The following MIER1 variants were observed in gnomAD, a reference collection of about 807,000 sequenced individuals.
The protein encoded by MIER1 is MIER1 transcriptional regulator, also known as mesoderm induction early response protein 1.
MIER1 carries 40 observed loss-of-function variants against 75.7 expected under a neutral mutation model. That is an observed-to-expected ratio of 0.53 (90% CI 0.41 to 0.69). The LOEUF is 0.69. MIER1 is among the 30% of genes least tolerant of loss of function. MIER1 has a pLI of 0.00. For synonymous variants in MIER1, 213 were observed against 223.4 expected (o/e 0.95, Z 0.42); for missense variants, 574 against 680.2 (o/e 0.84, Z 1.74).
intron 3 of MIER1, among the ~76,000 whole-genome samples, chr1:66,941,929 A>T (rs1339826699): frequency 6.7e-6 from 1 of 148,740 alleles, no homozygotes. Flanking sequence ...AGATCATGCC[A>T]CTGCACTCCA....
chr1:66,931,632 TTTTCA>T (rs757846734), intron 2 of MIER1, among the ~76,000 whole-genome samples: 4 of 152,220 alleles, frequency 2.6e-5, no homozygotes, highest in Non-Finnish European at 5.9e-5. Flanking sequence ...CTTAGATTTA[TTTTCA>T]TTTCTTTTGC....
At chr1:66,967,845 A>AT (rs2101833047) in intron 8 of MIER1, among the ~76,000 whole-genome samples, 1 of 152,108 alleles carries the variant, frequency 6.6e-6, no homozygotes, top group South Asian at 2.1e-4. Flanking sequence ...TTGTATGTTG[A>AT]TTTTGTATCC....
At chr1:66,926,278 A>G in intron 2 of MIER1, 36 bp downstream of exon 2, 1 of 1,435,880 alleles carries the variant, frequency 7.0e-7, no homozygotes. Flanking sequence ...AAGGGAGGGA[A>G]AATCCAAACT....
At position 66,983,395 on chromosome 1, in the gene MIER1, A is replaced by G. The variant is rs184036800; in HGVS notation, c.1370-1177A>G. On this transcript the variant is annotated intron_variant, in intron 13 of 13. Coordinates refer to ENST00000401041, the MANE Select transcript of MIER1 (RefSeq NM_001077700.3). Reference sequence around the variant, plus strand: ...AAATAGAATATTTTCTTCTATCAGAATACAGTATTTGAGGCTCATCCTTTA... The same window carrying G: ...AAATAGAATATTTTCTTCTATCAGAGTACAGTATTTGAGGCTCATCCTTTA... Among the ~76,000 whole-genome samples, 4 of 152,360 alleles carry G rather than the reference A, an allele frequency of 2.6e-5. No individual in the cohort carries two copies. In the East Asian group the frequency reaches 7.7e-4, roughly 29 times the overall value.
At chr1:66,966,431 A>G (rs191535946) in intron 8 of MIER1, among the ~76,000 whole-genome samples, 6 of 152,280 alleles carry the variant, frequency 3.9e-5, no homozygotes, top group Non-Finnish European at 7.3e-5. Flanking sequence ...AATCCAGTCT[A>G]TCACTGATGG....
At chr1:66,934,720 T>C (rs575595860) in intron 2 of MIER1, among the ~76,000 whole-genome samples, 8 of 152,352 alleles carry the variant, frequency 5.3e-5, no homozygotes, top group African/African-American at 1.9e-4. Flanking sequence ...ATCATTTTAC[T>C]TCTGAATTAT....
intron 2 of MIER1, among the ~76,000 whole-genome samples, chr1:66,939,253 G>GAACT (rs1282769428): frequency 2.0e-5 from 3 of 152,088 alleles, no homozygotes; most frequent in African/African-American, 7.2e-5. Flanking sequence ...TGAATTAACT[G>GAACT]AACTAAGATA....
At chr1:66,928,936 G>A (rs748852137) in intron 2 of MIER1, 14 of 1,608,716 alleles carry the variant, frequency 8.7e-6, no homozygotes, top group Non-Finnish European at 1.2e-5. Context: ...CAGACTGTCT[G>A]TGGACTCTTT....
At chr1:66,970,446 G>A (rs759322464) in intron 8 of MIER1, among the ~76,000 whole-genome samples, 1 of 152,118 alleles carries the variant, frequency 6.6e-6, no homozygotes, top group Non-Finnish European at 1.5e-5. Flanking sequence ...AAAACTATGT[G>A]GTAGAGTTAT....
rs932415341 is a variant in MIER1, at chr1:66,985,568, T to C, written c.*668T>C. ...ACATTCTGTATTTTTCCAGATTCTT[T>C]GTAGCCTTTGAAAGATTTTTACAGT... On this transcript the variant is annotated 3_prime_UTR_variant, in exon 14 of 14. Coordinates refer to ENST00000401041, the MANE Select transcript of MIER1 (RefSeq NM_001077700.3). 4.1e-6 allele frequency: 4 copies of C among 985,378 alleles called. No homozygotes were observed. The highest frequency in any genetic ancestry group is 5.2e-4 in the Middle Eastern group (1 of 1,914). 61.0% of individuals were successfully genotyped at this position (985,378 alleles called of 1,614,324 possible).
chr1:66,969,505 A>AC (rs1663135719), intron 8 of MIER1, among the ~76,000 whole-genome samples: 1 of 127,094 alleles, frequency 7.9e-6, no homozygotes, highest in Non-Finnish European at 1.6e-5. Context: ...AGATCGCGCC[A>AC]CTGCACTCCA....
chr1:66,984,761 A>G lies in MIER1; in HGVS notation c.1559A>G (p.Asp520Gly), dbSNP rs1666553928. Reference sequence around the variant, plus strand: ...CATATGACTGCAAGAAATGAAAATGATTTTGATGAAAAAAGTGAGAGACCT... The same window carrying G: ...CATATGACTGCAAGAAATGAAAATGGTTTTGATGAAAAAAGTGAGAGACCT... Reference protein sequence around the residue: ...LAHMTARNENDFDEKSERPAK... With the variant: ...LAHMTARNENGFDEKSERPAK... Residue 520 changes from aspartate (D) to glycine (G), a missense_variant, in exon 14 of 14, where the codon GAT becomes GGT. By Grantham distance (94) the Asp-to-Gly change is moderately conservative. This residue lies in a region of MIER1 where 164 missense variants were observed against 154.3 expected (regional missense o/e 1.06). Transcript: ENST00000401041. 5.0e-6 allele frequency: 8 copies of G among 1,614,066 alleles called. No individual in the cohort carries two copies. The highest frequency in any genetic ancestry group is 1.7e-4 in the Middle Eastern group (1 of 6,058).
At chr1:66,946,596 A>C (rs571941050) in intron 4 of MIER1, 1 of 1,038,086 alleles carries the variant, frequency 9.6e-7, no homozygotes, top group Non-Finnish European at 1.2e-6. Context: ...ACGGCCTCAT[A>C]TATCCTTTGT....
chr1:66,946,653 A>C (rs185938992), intron 4 of MIER1: 1 of 995,018 alleles, frequency 1.0e-6, no homozygotes, highest in African/African-American at 1.7e-5. Flanking sequence ...TCAGAGCCAA[A>C]AATTCTTGAA....
chr1:66,932,765 T>A (rs934661791), intron 2 of MIER1: 3 of 152,136 alleles, frequency 2.0e-5, no homozygotes, highest in Non-Finnish European at 4.4e-5. Context: ...ATATATCTAT[T>A]TGTTAAATCT....
chr1:66,980,384 C>T (rs1665645153), intron 12 of MIER1, among the ~76,000 whole-genome samples: 2 of 152,196 alleles, frequency 1.3e-5, no homozygotes, highest in Admixed American at 1.3e-4. Context: ...AGGTCATGGT[C>T]ATATACATTT....
At chr1:66,947,894 T>G in intron 4 of MIER1, 1 of 983,486 alleles carries the variant, frequency 1.0e-6, no homozygotes, top group Non-Finnish European at 1.2e-6. Context: ...TCTCACTCTC[T>G]GGTATATGCA....
intron 9 of MIER1, among the ~76,000 whole-genome samples, chr1:66,971,298 C>T (rs1003383211): frequency 2.0e-5 from 3 of 151,956 alleles, no homozygotes; most frequent in Non-Finnish European, 2.9e-5. Flanking sequence ...CTACCATGAA[C>T]CTATCTTTTT....
At chr1:66,957,422 CTCT>C (rs1374177529) in intron 4 of MIER1, among the ~76,000 whole-genome samples, 2 of 152,024 alleles carry the variant, frequency 1.3e-5, no homozygotes, top group Non-Finnish European at 2.9e-5. Flanking sequence ...ACCTGTCAGC[CTCT>C]GTTTTCGCAT....
Sources: gnomAD v4.1 joint callset for allele counts (sites outside exome capture counted in the v4.1 genomes callset) on GRCh38, gnomAD v4.1.1 for gene constraint, gnomAD v4.1.1 regional missense constraint, MANE v1.5 for transcripts, NCBI Gene and HGNC (gene_info 2026-07-23, HGNC 2026-07-21) for gene names.